Variants in RGS6 observed in about 807,000 individuals in gnomAD.
RGS6 encodes regulator of G-protein signaling 6.
Under a neutral mutation model 78.5 loss-of-function variants are expected in RGS6, and 30 were observed. That is an observed-to-expected ratio of 0.38 (90% confidence interval 0.29 to 0.52). The LOEUF is 0.52. RGS6 is among the 20% of genes least tolerant of loss of function. The probability of loss-of-function intolerance (pLI) is 0.85; values close to 1 mark genes in which losing one functional copy is unlikely to be tolerated. For missense variants in RGS6, 495 were observed against 609.7 expected, an observed-to-expected ratio of 0.81 and a Z score of 1.98; for synonymous variants, 206 against 206.0, an observed-to-expected ratio of 1.00 and a Z score of 0.00.
intron 2 of RGS6, among the ~76,000 whole-genome samples, chr14:72,271,415 T>A (rs1304631232): frequency 6.6e-6 from 1 of 151,982 alleles, no homozygotes; most frequent in Non-Finnish European, 1.5e-5. Context: ...CCCCCATGAT[T>A]AACTTACCTC....
chr14:72,208,686 G>C (rs1409984189), intron 2 of RGS6, among the ~76,000 whole-genome samples: 1 of 152,136 alleles, frequency 6.6e-6, no homozygotes, highest in African/African-American at 2.4e-5. Context: ...GACTATTTCA[G>C]CATAACTTGT....
intron 2 of RGS6, among the ~76,000 whole-genome samples, chr14:72,347,421 G>A (rs550170416): frequency 8.3e-4 from 127 of 152,252 alleles, no homozygotes; most frequent in African/African-American, 2.8e-3. Flanking sequence ...TGATTCTCTG[G>A]GTCAATTTCT....
chr14:72,330,704 G>A (rs985193175), intron 2 of RGS6, among the ~76,000 whole-genome samples: 4 of 152,144 alleles, frequency 2.6e-5, no homozygotes, highest in Non-Finnish European at 4.4e-5. Context: ...AATATTGCAT[G>A]CTTGTCAGAA....
chr14:72,207,796 G>A (rs907845018), intron 2 of RGS6, among the ~76,000 whole-genome samples: 7 of 152,200 alleles, frequency 4.6e-5, no homozygotes, highest in African/African-American at 1.7e-4. Context: ...TGACAAAACA[G>A]TTCATTGTGT....
intron 2 of RGS6, among the ~76,000 whole-genome samples, chr14:72,152,221 TGAGAGAGAGA>T (rs1200791259): frequency 1.4e-5 from 2 of 146,660 alleles, no homozygotes; most frequent in Non-Finnish European, 3.0e-5. Context: ...GGCAGCTGCA[TGAGAGAGAGA>T]GAGAGAGAGA....
chr14:72,584,083 A>C, the RGS6 span, among the ~76,000 whole-genome samples: 2 of 152,236 alleles, frequency 1.3e-5, no homozygotes, highest in Non-Finnish European at 2.9e-5. Flanking sequence ...TATTTCAGGC[A>C]GGCTTTTCTT....
chr14:71,991,358 A>C (rs866209461), intron 2 of RGS6, among the ~76,000 whole-genome samples: 2 of 152,278 alleles, frequency 1.3e-5, no homozygotes, highest in Middle Eastern at 3.4e-3. Flanking sequence ...CATCTTCCAC[A>C]TTCCTATCTG....
At chr14:72,073,930 T>C (rs1044950613) in intron 2 of RGS6, among the ~76,000 whole-genome samples, 1 of 152,192 alleles carries the variant, frequency 6.6e-6, no homozygotes, top group Non-Finnish European at 1.5e-5. Context: ...TTAAATTAAA[T>C]CAAATTTTGC....
intron 2 of RGS6, among the ~76,000 whole-genome samples, chr14:72,239,407 A>G (rs747501877): frequency 1.3e-5 from 2 of 152,182 alleles, no homozygotes; most frequent in Non-Finnish European, 2.9e-5. Flanking sequence ...TAACACTTTA[A>G]TGTTAACAGA....
At chr14:72,392,087 C>T (rs112338533) in intron 3 of RGS6, among the ~76,000 whole-genome samples, 2,764 of 152,184 alleles carry the variant, frequency 0.018, 99 homozygotes, top group African/African-American at 0.063. Context: ...GGTGCAATCT[C>T]GGCTCACTGT....
At chr14:71,948,750 T>C (rs935941042) in intron 1 of RGS6, among the ~76,000 whole-genome samples, 3 of 141,306 alleles carry the variant, frequency 2.1e-5, no homozygotes, top group African/African-American at 5.3e-5. Context: ...CTTTTTTTTT[T>C]TTTTTTTTTT....
In RGS6 at chr14:72,442,697, C is replaced by G. The variant is rs1405579118; in HGVS notation, c.185-11831C>G. Among the ~76,000 whole-genome samples, 5 of 152,338 alleles carry G rather than the reference C, an allele frequency of 3.3e-5. No homozygotes were observed. In the East Asian group the frequency reaches 9.6e-4, roughly 29 times the overall value. On this transcript the variant is annotated intron_variant, in intron 3 of 17. Coordinates refer to ENST00000553525, the MANE Select transcript of RGS6 (RefSeq NM_001204424.2). ...GGTGTTATCCTCATGTCCACTCTCT[C>G]AGACTGCACTTCTATCGTATTCTAC...
intron 2 of RGS6, among the ~76,000 whole-genome samples, chr14:72,286,198 G>T (rs2062517186): frequency 6.6e-6 from 1 of 152,178 alleles, no homozygotes; most frequent in Non-Finnish European, 1.5e-5. Flanking sequence ...ATGGTATAAA[G>T]TAAGCATTCA....
At chr14:72,137,297 A>G (rs903750479) in intron 2 of RGS6, among the ~76,000 whole-genome samples, 15 of 152,172 alleles carry the variant, frequency 9.9e-5, no homozygotes, top group Admixed American at 4.6e-4. Context: ...ATTTAACCCT[A>G]TTGTAAGAGA....
intron 17 of RGS6, chr14:72,540,597 A>G: frequency 1.3e-6 from 2 of 1,493,456 alleles, no homozygotes; most frequent in Non-Finnish European, 1.8e-6. Flanking sequence ...GTGTGCAGAA[A>G]GCGGCCGTGC....
At chr14:72,142,688 A>G (rs1429942849) in intron 2 of RGS6, among the ~76,000 whole-genome samples, 1 of 152,202 alleles carries the variant, frequency 6.6e-6, no homozygotes, top group Non-Finnish European at 1.5e-5. Flanking sequence ...TGGCCATATA[A>G]TATAACCTAG....
intron 3 of RGS6, among the ~76,000 whole-genome samples, chr14:72,386,351 A>G (rs1351429906): frequency 6.6e-6 from 1 of 152,154 alleles, no homozygotes; most frequent in Non-Finnish European, 1.5e-5. Flanking sequence ...CAGCCTGGAC[A>G]ACACGGTGAA....
intron 2 of RGS6, among the ~76,000 whole-genome samples, chr14:72,082,305 C>A (rs2094858172): frequency 6.6e-6 from 1 of 151,962 alleles, no homozygotes; most frequent in African/African-American, 2.4e-5. Flanking sequence ...TTTCTTGTAT[C>A]TTCAATTAAT....
At chr14:72,238,579 C>T (rs2153820896) in intron 2 of RGS6, among the ~76,000 whole-genome samples, 1 of 152,202 alleles carries the variant, frequency 6.6e-6, no homozygotes, top group South Asian at 2.1e-4. Flanking sequence ...TGTATATTTT[C>T]CCCTTTTATA....
Sources: allele counts gnomAD v4.1 joint callset (sites outside exome capture counted in the v4.1 genomes callset), GRCh38; gene constraint gnomAD v4.1.1; transcripts MANE v1.5; gene names NCBI Gene and HGNC (gene_info 2026-07-23, HGNC 2026-07-21).